Variants in SFI1 observed in about 807,000 individuals in gnomAD.
SFI1 encodes the protein SFI1 centrin binding protein, also known as protein SFI1 homolog.
SFI1 carries 195 observed loss-of-function variants against 207.5 expected under a neutral mutation model. The ratio of observed to expected loss-of-function variants is 0.94; its 90% confidence interval spans 0.84 to 1.06. The LOEUF (loss-of-function observed/expected upper bound fraction) is 1.06, where lower values mean the gene tolerates loss of function less well. SFI1 is among the 50% of genes least tolerant of loss of function. The pLI, the probability that SFI1 is intolerant of heterozygous loss-of-function variation, is 0.00. For synonymous variants in SFI1, 630 were observed against 598.9 expected (o/e 1.05, Z -0.76); for missense variants, 1,634 against 1,588.0 (o/e 1.03, Z -0.49).
intron 8 of SFI1, among the ~76,000 whole-genome samples, chr22:31,563,305 A>G (rs1395229512): frequency 1.3e-5 from 2 of 151,740 alleles, no homozygotes; most frequent in Non-Finnish European, 2.9e-5. Context: ...CATCATTATC[A>G]TAATCACCAT....
At chr22:31,560,400 C>CTTT (rs398061887) in intron 7 of SFI1, among the ~76,000 whole-genome samples, 3,578 of 125,464 alleles carry the variant, frequency 0.029, 216 homozygotes, top group South Asian at 0.091. Flanking sequence ...TGGTAATACT[C>CTTT]TTTTTTTTTT....
In SFI1 at chr22:31,615,195, G is replaced by A; in HGVS notation, c.3216G>A (p.Gln1072=). The change falls in exon 29 of 33, where the codon CAG becomes CAA. Residue 1072 remains glutamine, a synonymous_variant. Coordinates refer to ENST00000400288, the MANE Select transcript of SFI1 (RefSeq NM_001007467.3). ...GALSSAPGPK[Q]PPTASTGPEL... ...TGTCAAGCGCCCCTGGCCCGAAGCA[G>A]CCCCCGACGGCAAGCACAGGCCCGG... 1 of 1,583,948 alleles carries A rather than the reference G, an allele frequency of 6.3e-7. No individual in the cohort carries two copies. Among genetic ancestry groups the A allele is most frequent in the South Asian group, 1.1e-5 (1 of 89,190 alleles).
Position 31,561,369 on chromosome 22 carries a change from A to G in SFI1, c.742A>G (p.Arg248Gly). ...CCTCCATGCCTCTGCTTTGAAGCAC[A>G]GGGCCCTGAGCCTCCAGGTGCAGGT... Reference protein sequence around the residue: ...RALHASALKHRALSLQVQAWS... With the variant: ...RALHASALKHGALSLQVQAWS... The change falls in exon 8 of 33, where the codon AGG (arginine) becomes GGG (glycine). Residue 248 changes from arginine to glycine, a missense_variant. Transcript: ENST00000400288. The G allele has an allele frequency of 6.2e-7, 1 of 1,613,896 alleles. No homozygotes were observed. Among genetic ancestry groups the G allele is most frequent in the Non-Finnish European group, 8.5e-7 (1 of 1,179,916 alleles).
At chr22:31,604,500 AAC>A in intron 19 of SFI1, 96 bp downstream of exon 19, 5 of 1,133,574 alleles carry the variant, frequency 4.4e-6, no homozygotes, top group Non-Finnish European at 6.1e-6. Context: ...TCCGTCCCAG[AAC>A]AGAGTCACGT....
chr22:31,579,607 G>A (rs1006183277), intron 11 of SFI1, among the ~76,000 whole-genome samples: 1 of 152,108 alleles, frequency 6.6e-6, no homozygotes, highest in Non-Finnish European at 1.5e-5. Context: ...GAGCCACCAC[G>A]CCCGGCCTAA....
At chr22:31,525,010 T>C (rs951293879) in intron 2 of SFI1, among the ~76,000 whole-genome samples, 10 of 151,880 alleles carry the variant, frequency 6.6e-5, no homozygotes, top group African/African-American at 2.4e-4. Flanking sequence ...GCCAGGCTGG[T>C]CTTGAACTCC....
Position 31,617,227 on chromosome 22 carries a change from G to T in SFI1, c.3512+149G>T, listed in dbSNP as rs5753727. The T allele has an allele frequency of 1.0e-3, 775 of 759,948 alleles. 5 individuals carry two copies. Among genetic ancestry groups the T allele is most frequent in the African/African-American group, 7.4e-3 (425 of 57,296 alleles). The allele number at this position is 759,948 out of a possible 1,614,324, so 47.1% of individuals were successfully genotyped here. On this transcript the variant is annotated intron_variant, in intron 31 of 32. Transcript: ENST00000400288. Reference sequence around the variant, plus strand: ...CATGGAGGGGTGTGGGGAGCCCTCAGTGTGTGCTGTCCAGAAAGACCCCAT... The same window carrying T: ...CATGGAGGGGTGTGGGGAGCCCTCATTGTGTGCTGTCCAGAAAGACCCCAT...
At chr22:31,601,801 A>AT (rs1474743740) in intron 15 of SFI1, among the ~76,000 whole-genome samples, 1 of 149,406 alleles carries the variant, frequency 6.7e-6, no homozygotes, top group African/African-American at 2.5e-5. Context: ...CACCTCTTTT[A>AT]TTTTTTTCAG....
At chr22:31,613,322 G>C (rs142005903) in intron 25 of SFI1, 32 bp from the exon 26 acceptor site, 2 of 1,602,842 alleles carry the variant, frequency 1.2e-6, no homozygotes, top group African/African-American at 2.7e-5. Context: ...TAAGCAGGGA[G>C]ACCTGGGCCT....
chr22:31,602,173 G>T lies in SFI1; in HGVS notation c.1545-39G>T, dbSNP rs146046804. 21,816 of 1,541,530 alleles carry T rather than the reference G, an allele frequency of 0.014. 179 individuals carry two copies. The highest frequency in any genetic ancestry group is 0.016 in the Non-Finnish European group (17,870 of 1,114,164). ...TAGTTCTGTTTGGGTTAATTTTTAT[G>T]TTTGTTTTAAGTGCTTTACATTCTT... On this transcript the variant is annotated intron_variant, in intron 15 of 32. Coordinates refer to ENST00000400288, the MANE Select transcript of SFI1 (RefSeq NM_001007467.3).
In SFI1 at chr22:31,616,869, C is replaced by G; in HGVS notation, c.3425C>G (p.Ser1142Ter). 6.2e-7 allele frequency: 1 copy of G among 1,610,688 alleles called. No individual in the cohort carries two copies. The highest frequency in any genetic ancestry group is 1.7e-4 in the Middle Eastern group (1 of 6,036). The change falls in exon 30 of 33, where the codon TCA becomes TGA. Residue 1142 changes from serine to a stop codon, truncating the protein, a stop_gained. Coordinates refer to ENST00000400288, the MANE Select transcript of SFI1 (RefSeq NM_001007467.3). LOFTEE classifies it high-confidence loss of function. ...FSATRAGPGL[S>*]TAGSLDLEAE... is the part of the protein sequence containing the mutation. Reference sequence around the variant, plus strand: ...GCCACCAGGGCTGGGCCTGGACTTTCAACTGCAGGTGTGTACCTGGGGCCT... The same window carrying G: ...GCCACCAGGGCTGGGCCTGGACTTTGAACTGCAGGTGTGTACCTGGGGCCT...
intron 1 of SFI1, among the ~76,000 whole-genome samples, chr22:31,496,902 T>C (rs577678124): frequency 6.6e-6 from 1 of 152,318 alleles, no homozygotes; most frequent in African/African-American, 2.4e-5. Flanking sequence ...TCTTCCGCCC[T>C]GGGGGCACCG....
intron 23 of SFI1, 62 bp from the exon 24 acceptor site, chr22:31,611,704 C>A: frequency 6.6e-7 from 1 of 1,526,204 alleles, no homozygotes; most frequent in Non-Finnish European, 8.9e-7. Flanking sequence ...TAGATCAGGA[C>A]CCACCCCAGG....
chr22:31,522,064 CTTTTT>C (rs752422385), intron 2 of SFI1, among the ~76,000 whole-genome samples: 2 of 76,362 alleles, frequency 2.6e-5, no homozygotes, highest in Admixed American at 1.9e-4. Context: ...TACACCTGGC[CTTTTT>C]TTTTTTTTTT....
Position 31,615,231 on chromosome 22 carries a change from G to T in SFI1, c.3252G>T (p.Leu1084=). The change falls in exon 29 of 33, where the codon CTG becomes CTT. Residue 1084 remains leucine, a synonymous_variant. Transcript: ENST00000400288. ...CAAGCACAGGCCCGGAGCTGCTGCT[G>T]CTGCCTCTTTCCTCCTTCATGCCCT... ...PTASTGPELL[L]LPLSSFMPCG... 1 of 1,540,104 alleles carries T rather than the reference G, an allele frequency of 6.5e-7. No individual in the cohort carries two copies. The highest frequency in any genetic ancestry group is 8.7e-7 in the Non-Finnish European group (1 of 1,151,030).
intron 9 of SFI1, 48 bp downstream of exon 9, chr22:31,573,262 T>TG: frequency 1.9e-6 from 3 of 1,596,050 alleles, no homozygotes; most frequent in Non-Finnish European, 2.6e-6. Context: ...TGGTCACAGT[T>TG]TCACTCTCCT....
chr22:31,615,306 C>T, intron 29 of SFI1, 27 bp downstream of exon 29: 1 of 1,448,350 alleles, frequency 6.9e-7, no homozygotes, highest in Admixed American at 2.5e-5. Flanking sequence ...CAGGCCTGGG[C>T]ACTGGGGCTC....
At chr22:31,559,684 G>A (rs1049415647) in intron 7 of SFI1, 4 of 781,460 alleles carry the variant, frequency 5.1e-6, no homozygotes, top group Non-Finnish European at 9.0e-6. Flanking sequence ...AACGTGTGAT[G>A]ACCATTATGC....
chr22:31,581,531 A>G (rs990195170), intron 12 of SFI1, among the ~76,000 whole-genome samples: 4 of 152,062 alleles, frequency 2.6e-5, no homozygotes, highest in African/African-American at 7.2e-5. Context: ...GCCTCAAGCA[A>G]TCCACCTGCC....
Sources: gnomAD v4.1 joint callset for allele counts (sites outside exome capture counted in the v4.1 genomes callset) on GRCh38, gnomAD v4.1.1 for gene constraint, MANE v1.5 for transcripts, NCBI Gene and HGNC (gene_info 2026-07-23, HGNC 2026-07-21) for gene names.